The following NAA38 variants were observed in gnomAD, a reference collection of about 807,000 sequenced individuals.
The protein encoded by NAA38 is N-alpha-acetyltransferase 38, NatC auxiliary subunit.
In NAA38, 15 loss-of-function variants were observed where a neutral mutation model predicts 12.6. That is an observed-to-expected ratio of 1.19 (90% CI 0.79 to 1.83). The LOEUF is 1.83. NAA38 is among the 40% of genes most tolerant of loss of function. NAA38 has a pLI of 0.00. For missense variants in NAA38, 183 were observed against 171.7 expected (o/e 1.07, Z -0.37); for synonymous variants, 88 against 69.9 (o/e 1.26, Z -1.29).
At chr17:7,858,662 C>T, upstream of NAA38, 1 of 1,609,928 alleles carries the variant, frequency 6.2e-7, no homozygotes, top group East Asian at 2.2e-5. Flanking sequence ...CCCCGCGGGG[C>T]CGCTTTGTGC....
chr17:7,874,688 C>A (rs1361960956), intron 2 of NAA38, among the ~76,000 whole-genome samples: 2 of 151,484 alleles, frequency 1.3e-5, no homozygotes, highest in Non-Finnish European at 2.9e-5. Flanking sequence ...GAGTTTGAGA[C>A]CAGCCTGGCC....
chr17:7,866,710 T>C (rs1201848480), intron 2 of NAA38, among the ~76,000 whole-genome samples: 1 of 152,160 alleles, frequency 6.6e-6, no homozygotes, highest in Non-Finnish European at 1.5e-5. Flanking sequence ...GTCAAGTCCC[T>C]TAACACGCCC....
At chr17:7,884,785 G>GT (rs1472165088) in intron 1 of NAA38, 3 of 426,252 alleles carry the variant, frequency 7.0e-6, no homozygotes, top group Non-Finnish European at 3.8e-6. Context: ...TGGGGGGGTG[G>GT]TGGGGGGGCC....
chr17:7,864,369 T>C (rs117294678), intron 3 of NAA38: 1 of 152,108 alleles, frequency 6.6e-6, no homozygotes, highest in Non-Finnish European at 1.5e-5. Context: ...AGTAAAGGCT[T>C]AAGTGCAGTG....
In NAA38 at chr17:7,873,560, AAGG is replaced by A. The variant is rs536556296; in HGVS notation, c.-65-7005_-65-7003del. ...GGTCCAGAGTATTTCTTTCAAAGAT[AAGG>A]AGATTTGAGCACATTTTAATGTGAC... On this transcript the variant is annotated intron_variant, in intron 2 of 4. Transcript: ENST00000576861. Among the ~76,000 whole-genome samples the A allele has an allele frequency of 1.9e-3, 285 of 152,280 alleles. 2 individuals are homozygous for A. Among genetic ancestry groups the A allele is most frequent in the Middle Eastern group, 3.4e-3 (1 of 294 alleles).
chr17:7,882,042 A>C (rs1967282292), intron 2 of NAA38, among the ~76,000 whole-genome samples: 1 of 152,140 alleles, frequency 6.6e-6, no homozygotes. Context: ...GAGAGAGAAC[A>C]GAAAGAGATG....
At chr17:7,885,104 C>A (rs1186417450) in intron 1 of NAA38, 5 of 982,744 alleles carry the variant, frequency 5.1e-6, no homozygotes, top group Non-Finnish European at 6.0e-6. Flanking sequence ...GCCCCGACTC[C>A]CCCCCCAAGC....
At chr17:7,868,211 T>C (rs1017209267) in intron 2 of NAA38, among the ~76,000 whole-genome samples, 2 of 151,864 alleles carry the variant, frequency 1.3e-5, no homozygotes, top group African/African-American at 4.8e-5. Context: ...AAGGAAGAGC[T>C]AGAGGGTGAA....
chr17:7,858,776 G>A, upstream of NAA38: 1 of 1,584,790 alleles, frequency 6.3e-7, no homozygotes, highest in Non-Finnish European at 8.6e-7. Flanking sequence ...CCAAGACCCG[G>A]AGCATCCGCA....
upstream of NAA38, chr17:7,859,586 T>C (rs1409389787): frequency 1.2e-6 from 2 of 1,614,150 alleles, no homozygotes; most frequent in Admixed American, 3.3e-5. Flanking sequence ...ACTTCTGTAC[T>C]TCAATGATGA....
At chr17:7,860,689 T>C (rs1321531460), upstream of NAA38, 1 of 152,186 alleles carries the variant, frequency 6.6e-6, no homozygotes, top group Non-Finnish European at 1.5e-5. Flanking sequence ...AATAGGAAAT[T>C]GTGGTCCTAT....
upstream of NAA38, among the ~76,000 whole-genome samples, chr17:7,885,413 GGGA>G (rs1007047520): frequency 5.4e-5 from 8 of 149,532 alleles, no homozygotes; most frequent in African/African-American, 1.5e-4. Flanking sequence ...CGGCTTTCGG[GGGA>G]GGAGGAGGAG....
At chr17:7,879,185 C>A (rs897612943) in intron 2 of NAA38, among the ~76,000 whole-genome samples, 1 of 152,134 alleles carries the variant, frequency 6.6e-6, no homozygotes, top group Admixed American at 6.6e-5. Flanking sequence ...TCTAGACTAT[C>A]CTGAGTATTT....
chr17:7,857,945 G>A (rs968664126), upstream of NAA38: 28 of 1,438,754 alleles, frequency 1.9e-5, no homozygotes, highest in East Asian at 5.5e-4. Context: ...CCGTGAACAC[G>A]TGCAGTCCAA....
chr17:7,856,987 G>C (rs765015795), intron 2 of NAA38, 28 bp downstream of exon 2: 1 of 1,594,174 alleles, frequency 6.3e-7, no homozygotes, highest in Non-Finnish European at 8.6e-7. Flanking sequence ...CACATTACCA[G>C]GCGGGTGTGC....
At chr17:7,866,620 A>G (rs780570563) in intron 2 of NAA38, 14 of 851,972 alleles carry the variant, frequency 1.6e-5, no homozygotes, top group Non-Finnish European at 2.2e-5. Context: ...TGTGTGGAAC[A>G]ATCCACCCAC....
upstream of NAA38, chr17:7,857,675 A>C (rs886319408): frequency 1.7e-5 from 22 of 1,329,340 alleles, no homozygotes; most frequent in African/African-American, 6.0e-5. Flanking sequence ...GGATGTCTTA[A>C]GATATCGCGA....
At chr17:7,856,892 G>A (rs201409985) in intron 2 of NAA38, 49 bp from the exon 3 acceptor site, 2 of 1,596,794 alleles carry the variant, frequency 1.3e-6, no homozygotes, top group Non-Finnish European at 8.6e-7. Context: ...AATCAGTCCC[G>A]CCCCTCTGAG....
At chr17:7,857,599 A>C, upstream of NAA38, 1 of 1,378,486 alleles carries the variant, frequency 7.3e-7, no homozygotes. Flanking sequence ...CTCCTCGGCA[A>C]CGGCACAGAT....
Sources: gnomAD v4.1 joint callset for allele counts (sites outside exome capture counted in the v4.1 genomes callset) on GRCh38, gnomAD v4.1.1 for gene constraint, MANE v1.5 for transcripts, NCBI Gene and HGNC (gene_info 2026-07-23, HGNC 2026-07-21) for gene names.